ZNF445: variants seen among roughly 807,000 people sequenced by gnomAD.
ZNF445 encodes the protein zinc finger protein 445.
Under a neutral mutation model 93.9 loss-of-function variants are expected in ZNF445, and 19 were observed. The observed-to-expected ratio is 0.20, with a 90% CI of 0.14 to 0.30. The LOEUF is 0.30. Among genes scored for constraint, ZNF445 ranks in the 10% least tolerant of loss-of-function variants. The pLI is 1.00. For missense variants in ZNF445, 1,058 were observed against 1,259.4 expected (o/e 0.84, Z 2.42); for synonymous variants, 449 against 446.3 (o/e 1.01, Z -0.08).
chr3:44,455,025 CT>C, intron 3 of ZNF445, 95 bp downstream of exon 3: 1 of 1,481,062 alleles, frequency 6.8e-7, no homozygotes, highest in Non-Finnish European at 9.3e-7. Flanking sequence ...CTGCACTCCT[CT>C]ATATTGACAG....
intron 7 of ZNF445, 148 bp from the exon 8 acceptor site, chr3:44,448,887 T>C (rs1697917595): frequency 1.0e-6 from 1 of 985,038 alleles, no homozygotes; most frequent in Non-Finnish European, 1.4e-6. Flanking sequence ...AGGCAAAACA[T>C]GGAAGATTAT....
At chr3:44,451,206 C>G in intron 4 of ZNF445, 108 bp downstream of exon 4, 2 of 1,397,148 alleles carry the variant, frequency 1.4e-6, no homozygotes, top group Middle Eastern at 1.9e-4. Flanking sequence ...AGCTAAGGGC[C>G]AGGACAGAAG....
At chr3:44,463,502 GATC>G (rs562746355) in intron 1 of ZNF445, among the ~76,000 whole-genome samples, 156 of 152,338 alleles carry the variant, frequency 1.0e-3, no homozygotes, top group African/African-American at 3.5e-3. Context: ...AAAACTGATA[GATC>G]CCTTTCAAAA....
rs1697775827 is a variant in ZNF445 at position 44,439,846 on chromosome 3, GC to G, written c.*6728del. 6.6e-6 allele frequency: 1 copy of G among 152,248 alleles called. No individual in the cohort carries two copies. The highest frequency in any genetic ancestry group is 1.5e-5 in the Non-Finnish European group (1 of 68,094). The allele number at this position is 152,248 out of a possible 1,614,324, so 9.4% of individuals were successfully genotyped here. The stretch of plus-strand genomic sequence containing the variant: ...GCGGGCACCCACGCCAGTCTGTTGG[GC>G]TTCAGTGAAAGGACGAACAAGTGGC... On this transcript the variant is annotated 3_prime_UTR_variant, in exon 8 of 8. Coordinates refer to ENST00000396077, the MANE Select transcript of ZNF445 (RefSeq NM_181489.6).
intron 1 of ZNF445, among the ~76,000 whole-genome samples, chr3:44,469,679 G>A (rs1698239344): frequency 6.6e-6 from 1 of 152,048 alleles, no homozygotes; most frequent in Admixed American, 6.6e-5. Flanking sequence ...TGAGGCAGGA[G>A]AACCACTTGA....
At chr3:44,476,965 GA>G (rs1698368995) in intron 1 of ZNF445, among the ~76,000 whole-genome samples, 1 of 152,084 alleles carries the variant, frequency 6.6e-6, no homozygotes, top group Admixed American at 6.5e-5. Context: ...GCCAAAATAA[GA>G]ACAAATGCAT....
chr3:44,455,641 C>A lies in ZNF445; in HGVS notation c.-92G>T. On this transcript the variant is annotated 5_prime_UTR_variant, in exon 3 of 8. Coordinates refer to ENST00000396077, the MANE Select transcript of ZNF445 (RefSeq NM_181489.6). Reference sequence around the variant, plus strand: ...GTATCTTCTCAGCAGTCAACAATGCCAACATTTGCTGGGACATCAGAAGTC... The same window carrying A: ...GTATCTTCTCAGCAGTCAACAATGCAAACATTTGCTGGGACATCAGAAGTC... 8.1e-7 allele frequency: 1 copy of A among 1,240,876 alleles called. No individual in the cohort carries two copies. Among genetic ancestry groups the A allele is most frequent in the Non-Finnish European group, 1.1e-6 (1 of 906,654 alleles). 76.9% of individuals were successfully genotyped at this position (1,240,876 alleles called of 1,614,324 possible).
chr3:44,431,993 G>T lies in ZNF445; in HGVS notation c.*14582C>A. 6.6e-6 allele frequency: 1 copy of T among 152,290 alleles called. No homozygotes were observed. The allele number at this position is 152,290 out of a possible 1,614,324, so 9.4% of individuals were successfully genotyped here. A position where few individuals can be genotyped will look rare whatever the true frequency, so the allele number is the denominator to read the frequency against. On this transcript the variant is annotated 3_prime_UTR_variant, in exon 8 of 8. Transcript: ENST00000396077. ...CAGCTCACAGCAACCTCTGCCTCCT[G>T]TGTTCAAGCTATTCTCCCATCTTAG...
intron 1 of ZNF445, among the ~76,000 whole-genome samples, chr3:44,462,070 T>C (rs1698121755): frequency 6.6e-6 from 1 of 151,886 alleles, no homozygotes; most frequent in South Asian, 2.1e-4. Flanking sequence ...GTTTGTTTAA[T>C]AGAAACTAGT....
chr3:44,476,176 T>C (rs1422644751), intron 1 of ZNF445, among the ~76,000 whole-genome samples: 1 of 152,150 alleles, frequency 6.6e-6, no homozygotes, highest in Non-Finnish European at 1.5e-5. Context: ...CAAAATACAG[T>C]GTTATGTTTT....
intron 3 of ZNF445, chr3:44,454,870 T>C (rs1424982954): frequency 7.5e-6 from 4 of 535,766 alleles, no homozygotes; most frequent in South Asian, 4.2e-5. Context: ...TGCCCAGAAG[T>C]TGCTGTTATT....
At position 44,440,897 on chromosome 3, in the gene ZNF445, C is replaced by T. The variant is rs1040448781; in HGVS notation, c.*5678G>A. 6.6e-6 allele frequency: 1 copy of T among 150,554 alleles called. No individual in the cohort carries two copies. Among genetic ancestry groups the T allele is most frequent in the South Asian group, 2.1e-4 (1 of 4,780 alleles). 9.3% of individuals were successfully genotyped at this position (150,554 alleles called of 1,614,324 possible). On this transcript the variant is annotated 3_prime_UTR_variant, in exon 8 of 8. Coordinates refer to ENST00000396077, the MANE Select transcript of ZNF445 (RefSeq NM_181489.6). ...TTTTTAGACCATATAGTGTTACTTCCTGATGTTGCCATGGCATTTTTTTTT... is the reference window on the plus strand; with the variant it reads ...TTTTTAGACCATATAGTGTTACTTCTTGATGTTGCCATGGCATTTTTTTTT...
intron 2 of ZNF445, among the ~76,000 whole-genome samples, chr3:44,456,683 C>A (rs1191652711): frequency 6.6e-6 from 1 of 152,118 alleles, no homozygotes; most frequent in Non-Finnish European, 1.5e-5. Flanking sequence ...TTTAAAATAT[C>A]TCAAATGAGC....
chr3:44,447,019 A>G lies in ZNF445; in HGVS notation c.2652T>C (p.Val884=). ...GKSYDRNYRL[V]NHQRIHSTER... ...CTGTAGAGTGGATCCTCTGATGGTT[A>G]ACAAGGCGATAGTTTCTATCATAAG... Residue 884 remains valine (V), a synonymous_variant, in exon 8 of 8, where the codon GTT becomes GTC. Coordinates refer to ENST00000396077, the MANE Select transcript of ZNF445 (RefSeq NM_181489.6). This position sits in a 1 kb window ranked among gnomAD's most constrained non-coding sequence, Gnocchi z 4.7. The G allele has an allele frequency of 1.2e-6, 2 of 1,614,238 alleles. No homozygotes were observed. The highest frequency in any genetic ancestry group is 1.7e-6 in the Non-Finnish European group (2 of 1,180,044).
chr3:44,464,281 T>C (rs1312708588), intron 1 of ZNF445, among the ~76,000 whole-genome samples: 2 of 152,158 alleles, frequency 1.3e-5, no homozygotes, highest in Non-Finnish European at 2.9e-5. Flanking sequence ...ATTTGCTGCT[T>C]ATGTGGCCCT....
At chr3:44,456,445 C>A (rs1356351491) in intron 2 of ZNF445, among the ~76,000 whole-genome samples, 1 of 152,052 alleles carries the variant, frequency 6.6e-6, no homozygotes, top group East Asian at 1.9e-4. Context: ...AGCAAACAAA[C>A]AAAACCAAAA....
chr3:44,455,661 G>T lies in ZNF445; in HGVS notation c.-112C>A. The T allele has an allele frequency of 1.0e-6, 1 of 994,704 alleles. No homozygotes were observed. The highest frequency in any genetic ancestry group is 1.4e-6 in the Non-Finnish European group (1 of 693,606). 61.6% of individuals were successfully genotyped at this position (994,704 alleles called of 1,614,324 possible). A position where few individuals can be genotyped will look rare whatever the true frequency, so the allele number is the denominator to read the frequency against. On this transcript the variant is annotated 5_prime_UTR_variant, in exon 3 of 8. It adds an upstream start codon to the 5' untranslated region. Coordinates refer to ENST00000396077, the MANE Select transcript of ZNF445 (RefSeq NM_181489.6). Reference sequence around the variant, plus strand: ...AATGCCAACATTTGCTGGGACATCAGAAGTCATCAGCAAGTGACTGAAATT... The same window carrying T: ...AATGCCAACATTTGCTGGGACATCATAAGTCATCAGCAAGTGACTGAAATT...
In ZNF445 at chr3:44,433,662, CAGAG is replaced by C. The variant is rs1190279829; in HGVS notation, c.*12909_*12912del. On this transcript the variant is annotated 3_prime_UTR_variant, in exon 8 of 8. Coordinates refer to ENST00000396077, the MANE Select transcript of ZNF445 (RefSeq NM_181489.6). Reference sequence around the variant, plus strand: ...TCTGCCCTTAGAGGAGCCGGACCTGCAGAGAGAGAGTGGGAAAGTGGAGAACCAT... The same window carrying C: ...TCTGCCCTTAGAGGAGCCGGACCTGCAGAGAGTGGGAAAGTGGAGAACCAT... 1 of 152,222 alleles carries C rather than the reference CAGAG, an allele frequency of 6.6e-6. No individual in the cohort carries two copies. Among genetic ancestry groups the C allele is most frequent in the Non-Finnish European group, 1.5e-5 (1 of 68,100 alleles). The allele number at this position is 152,222 out of a possible 1,614,324, so 9.4% of individuals were successfully genotyped here.
Position 44,447,474 on chromosome 3 carries a change from T to C in ZNF445, c.2197A>G (p.Met733Val), listed in dbSNP as rs1697894099. 6.2e-7 allele frequency: 1 copy of C among 1,614,078 alleles called. No homozygotes were observed. Among genetic ancestry groups the C allele is most frequent in the African/African-American group, 1.3e-5 (1 of 74,914 alleles). ...GGCCCGCCCTCAGGTTTTCTTTTCA[T>C]GGCATGCTTCTTCTTATGAACAATA... ...AFIVHKKKHA[M>V]KRKPEGGPSF... is the part of the protein sequence containing the mutation. Residue 733 changes from methionine to valine, a missense_variant, in exon 8 of 8, where the codon ATG becomes GTG. Coordinates refer to ENST00000396077, the MANE Select transcript of ZNF445 (RefSeq NM_181489.6). The surrounding 1 kb of genome is among the most constrained non-coding windows in gnomAD (Gnocchi z 4.7).
Sources: gnomAD v4.1 joint callset for allele counts (sites outside exome capture counted in the v4.1 genomes callset) on GRCh38, gnomAD v4.1.1 for gene constraint, Gnocchi (gnomAD v3.1) non-coding constraint, MANE v1.5 for transcripts, NCBI Gene and HGNC (gene_info 2026-07-23, HGNC 2026-07-21) for gene names.